The following CAPZB variants were observed in gnomAD, a reference collection of about 807,000 sequenced individuals.
The protein encoded by CAPZB is capping actin protein of muscle Z-line subunit beta, also known as F-actin-capping protein subunit beta.
A neutral mutation model predicts 38.1 loss-of-function variants in CAPZB; 2 were observed. The ratio of observed to expected loss-of-function variants is 0.05; its 90% CI spans 0.02 to 0.17. The LOEUF (loss-of-function observed/expected upper bound fraction) is 0.17. Ranked by LOEUF, CAPZB falls within the 10% of genes least tolerant of loss-of-function variation. The pLI, the probability that CAPZB is intolerant of heterozygous loss-of-function variation, is 1.00. For missense variants in CAPZB, 161 were observed against 334.2 expected, an observed-to-expected ratio of 0.48 and a Z score of 4.04; for synonymous variants, 107 against 127.4, an observed-to-expected ratio of 0.84 and a Z score of 1.08.
intron 2 of CAPZB, among the ~76,000 whole-genome samples, chr1:19,417,030 C>T (rs1207583097): frequency 1.3e-5 from 2 of 152,036 alleles, no homozygotes; most frequent in African/African-American, 2.4e-5. Context: ...CTGGCTATGG[C>T]GAAAGACAGC....
intron 2 of CAPZB, among the ~76,000 whole-genome samples, chr1:19,392,014 C>G (rs1435496430): frequency 1.3e-5 from 2 of 152,126 alleles, no homozygotes; most frequent in Non-Finnish European, 2.9e-5. Flanking sequence ...AACCCCATCT[C>G]TACTAAAAAT....
chr1:19,354,010 G>A (rs983323084), intron 6 of CAPZB, among the ~76,000 whole-genome samples: 1 of 152,228 alleles, frequency 6.6e-6, no homozygotes, highest in African/African-American at 2.4e-5. Flanking sequence ...TGACTATTTA[G>A]CAGTCACCGA....
intron 2 of CAPZB, 51 bp downstream of exon 2, chr1:19,419,610 A>G: frequency 1.9e-6 from 2 of 1,075,426 alleles, no homozygotes; most frequent in Non-Finnish European, 2.8e-6. Context: ...CACAAAAGCA[A>G]CTAACTCTTA....
At chr1:19,396,917 C>T (rs2094273857) in intron 2 of CAPZB, among the ~76,000 whole-genome samples, 1 of 151,884 alleles carries the variant, frequency 6.6e-6, no homozygotes, top group Non-Finnish European at 1.5e-5. Flanking sequence ...GGCGCCACTA[C>T]ACTCCAGCCT....
chr1:19,463,943 G>T (rs887402427), intron 1 of CAPZB, among the ~76,000 whole-genome samples: 28 of 151,766 alleles, frequency 1.8e-4, no homozygotes, highest in African/African-American at 6.8e-4. Context: ...ATTTTGGAAG[G>T]TCAAGGTGGG....
chr1:19,366,203 T>C (rs214310), intron 4 of CAPZB, among the ~76,000 whole-genome samples: 49,296 of 149,328 alleles, frequency 0.33, 9,091 homozygotes, highest in East Asian at 0.55. Context: ...TCCCAGCACT[T>C]TGGGAGGCCA....
At chr1:19,371,308 CACAGAATGTAAGATGCAGGT>C (rs1291519719) in intron 4 of CAPZB, among the ~76,000 whole-genome samples, 5 of 152,182 alleles carry the variant, frequency 3.3e-5, no homozygotes, top group African/African-American at 9.7e-5. Flanking sequence ...ATCATAAACG[CACAGAATGTAAGATGCAGGT>C]ACAGAATGTA....
intron 2 of CAPZB, among the ~76,000 whole-genome samples, chr1:19,386,214 C>T (rs1186418832): frequency 1.3e-5 from 2 of 152,220 alleles, no homozygotes; most frequent in Non-Finnish European, 2.9e-5. Context: ...GGCTGGCCTG[C>T]CAGGGGGCCG....
intron 6 of CAPZB, among the ~76,000 whole-genome samples, chr1:19,348,147 C>T (rs138205673): frequency 6.6e-6 from 1 of 152,286 alleles, no homozygotes; most frequent in African/African-American, 2.4e-5. Flanking sequence ...CACCCCATCG[C>T]GTGATGAAGA....
intron 1 of CAPZB, among the ~76,000 whole-genome samples, chr1:19,428,783 T>C (rs1029039167): frequency 2.6e-5 from 4 of 152,124 alleles, no homozygotes; most frequent in Admixed American, 6.6e-5. Context: ...ATCCAGGGAC[T>C]GTGTAAGTGA....
chr1:19,359,185 T>G (rs2094038514), intron 4 of CAPZB, among the ~76,000 whole-genome samples: 1 of 150,174 alleles, frequency 6.7e-6, no homozygotes, highest in Admixed American at 6.6e-5. Context: ...ATGTGGGTGA[T>G]GGGTATACAA....
At chr1:19,475,419 C>A (rs181598163) in intron 1 of CAPZB, among the ~76,000 whole-genome samples, 77 of 152,336 alleles carry the variant, frequency 5.1e-4, no homozygotes, top group African/African-American at 1.8e-3. Flanking sequence ...AAGCGCTCAG[C>A]GCCCACCATG....
At chr1:19,462,988 C>G (rs75973058) in intron 1 of CAPZB, among the ~76,000 whole-genome samples, 1 of 152,072 alleles carries the variant, frequency 6.6e-6, no homozygotes, top group African/African-American at 2.4e-5. Flanking sequence ...TCCATCATCA[C>G]AGAAAGTTCC....
chr1:19,472,596 T>C (rs1182690099), intron 1 of CAPZB, among the ~76,000 whole-genome samples: 1 of 151,902 alleles, frequency 6.6e-6, no homozygotes, highest in Non-Finnish European at 1.5e-5. Context: ...GACTATGCAG[T>C]ACCCAAGGAC....
intron 1 of CAPZB, among the ~76,000 whole-genome samples, chr1:19,480,349 C>T (rs1404485658): frequency 2.0e-5 from 3 of 152,166 alleles, no homozygotes; most frequent in African/African-American, 4.8e-5. Flanking sequence ...TATCCTCATG[C>T]GACGGAACAG....
chr1:19,471,246 G>A (rs4912099), intron 1 of CAPZB, among the ~76,000 whole-genome samples: 68,723 of 151,904 alleles, frequency 0.45, 16,880 homozygotes, highest in Non-Finnish European at 0.56. Flanking sequence ...TCGAAACTAT[G>A]GAAAAAGGGG....
At chr1:19,431,260 C>A (rs1046174347) in intron 1 of CAPZB, among the ~76,000 whole-genome samples, 3 of 152,184 alleles carry the variant, frequency 2.0e-5, no homozygotes, top group Non-Finnish European at 4.4e-5. Flanking sequence ...ATCAGACTTT[C>A]GGATTAGGAA....
intron 8 of CAPZB, among the ~76,000 whole-genome samples, chr1:19,341,251 C>T (rs759036088): frequency 1.4e-4 from 21 of 152,228 alleles, no homozygotes; most frequent in Admixed American, 7.2e-4. Flanking sequence ...TCAGCCCCCA[C>T]GGCCCCCAGG....
intron 1 of CAPZB, among the ~76,000 whole-genome samples, chr1:19,462,621 G>A (rs776208656): frequency 6.6e-6 from 1 of 152,150 alleles, no homozygotes; most frequent in Admixed American, 6.5e-5. Context: ...TAAGCGCATT[G>A]AATAAATAAT....
Sources: allele counts gnomAD v4.1 joint callset (sites outside exome capture counted in the v4.1 genomes callset), GRCh38; gene constraint gnomAD v4.1.1; transcripts MANE v1.5; gene names NCBI Gene and HGNC (gene_info 2026-07-23, HGNC 2026-07-21).